The following ZBTB49 variants were observed in gnomAD, a reference collection of about 807,000 sequenced individuals.
ZBTB49 encodes the protein zinc finger and BTB domain containing 49, also known as zinc finger and BTB domain-containing protein 49.
ZBTB49 carries 43 observed loss-of-function variants against 57.5 expected under a neutral mutation model. The ratio of observed to expected loss-of-function variants is 0.75; its 90% confidence interval spans 0.59 to 0.97. The LOEUF (loss-of-function observed/expected upper bound fraction) is 0.97, where lower values mean the gene tolerates loss of function less well. Ranked by LOEUF, ZBTB49 falls within the 50% of genes least tolerant of loss-of-function variation. The pLI, the probability that ZBTB49 is intolerant of heterozygous loss-of-function variation, is 0.00. For missense variants in ZBTB49, 938 were observed against 947.7 expected (o/e 0.99, Z 0.13); for synonymous variants, 369 against 362.1 (o/e 1.02, Z -0.22).
intron 1 of ZBTB49, among the ~76,000 whole-genome samples, chr4:4,299,579 A>C (rs1384614510): frequency 6.6e-6 from 1 of 152,194 alleles, no homozygotes; most frequent in African/African-American, 2.4e-5. Context: ...TAACATGGTC[A>C]TATTCTAGAT....
intron 1 of ZBTB49, 111 bp from the exon 2 acceptor site, chr4:4,299,796 TGTGTGTGTGTGTGTGAGAGA>T (rs1273366218): frequency 2.8e-6 from 2 of 714,482 alleles, no homozygotes; most frequent in East Asian, 2.8e-5. Context: ...TGTGTGTGTG[TGTGTGTGTGTGTGTGAGAGA>T]GAAACTGTGA....
intron 1 of ZBTB49, among the ~76,000 whole-genome samples, chr4:4,290,700 C>T (rs1254381574): frequency 4.6e-5 from 7 of 152,246 alleles, no homozygotes; most frequent in African/African-American, 1.4e-4. Context: ...GGCCCGCCTC[C>T]GCTACGCGCT....
chr4:4,297,308 G>C (rs1720253513), intron 1 of ZBTB49, among the ~76,000 whole-genome samples: 1 of 152,140 alleles, frequency 6.6e-6, no homozygotes, highest in African/African-American at 2.4e-5. Context: ...GACCTCAGGT[G>C]ATCCCCCCAC....
intron 6 of ZBTB49, 21 bp from the exon 7 acceptor site, chr4:4,315,786 AAC>A: frequency 3.1e-6 from 5 of 1,614,010 alleles, no homozygotes; most frequent in Non-Finnish European, 4.2e-6. Context: ...CCTTCAGCTT[AAC>A]ACCTGTTATG....
chr4:4,320,558 T>G, intron 7 of ZBTB49, 82 bp from the exon 8 acceptor site: 2 of 1,545,420 alleles, frequency 1.3e-6, no homozygotes, highest in South Asian at 1.2e-5. Context: ...AAGGATTGTT[T>G]GAGGCTAGGA....
chr4:4,295,138 C>T (rs540225864), intron 1 of ZBTB49, among the ~76,000 whole-genome samples: 8 of 152,218 alleles, frequency 5.3e-5, no homozygotes, highest in South Asian at 2.1e-4. Context: ...CATTATCACA[C>T]TGCTATAAAG....
intron 3 of ZBTB49, among the ~76,000 whole-genome samples, chr4:4,304,451 C>G (rs1720653368): frequency 6.6e-6 from 1 of 152,100 alleles, no homozygotes; most frequent in Non-Finnish European, 1.5e-5. Context: ...CTCCTAACCT[C>G]AAGTGATCTG....
intron 1 of ZBTB49, among the ~76,000 whole-genome samples, chr4:4,292,009 A>G (rs1719961531): frequency 6.6e-6 from 1 of 152,034 alleles, no homozygotes; most frequent in African/African-American, 2.4e-5. Flanking sequence ...GTGGTGGCGC[A>G]TGCCTGTAAT....
Position 4,293,235 on chromosome 4 carries a change from A to C in ZBTB49, c.-20+2883A>C, listed in dbSNP as rs1322077418. Among the ~76,000 whole-genome samples, 3 of 152,208 alleles carry C rather than the reference A, an allele frequency of 2.0e-5. No homozygotes were observed. In the East Asian group the frequency reaches 5.8e-4, roughly 29 times the overall value. ...CATGTCTTCACCACAGAAAATTTTT[A>C]CTGCTTGTCACTAGGTGAGTTAGTC... On this transcript the variant is annotated intron_variant, in intron 1 of 7. Coordinates refer to ENST00000337872, the MANE Select transcript of ZBTB49 (RefSeq NM_145291.4).
intron 1 of ZBTB49, among the ~76,000 whole-genome samples, chr4:4,298,016 G>A (rs559900206): frequency 1.2e-4 from 18 of 152,294 alleles, no homozygotes; most frequent in Non-Finnish European, 2.2e-4. Flanking sequence ...CCAGGAATCT[G>A]CATTTTTAAC....
chr4:4,306,307 C>T (rs910116392), intron 4 of ZBTB49, 123 bp downstream of exon 4: 4 of 790,770 alleles, frequency 5.1e-6, no homozygotes, highest in Non-Finnish European at 8.3e-6. Context: ...AACTTAAAGA[C>T]TTCAGAATAA....
At position 4,321,047 on chromosome 4, in the gene ZBTB49, C is replaced by G; in HGVS notation, c.2029C>G (p.Leu677Val). The change falls in exon 8 of 8, where the codon CTT becomes GTT. Residue 677 changes from leucine to valine, a missense_variant. Physicochemically the swap from Leu to Val is conservative, Grantham distance 32. This residue lies in a region of ZBTB49 where 835 missense variants were observed against 819.1 expected (regional missense o/e 1.02). Coordinates refer to ENST00000337872, the MANE Select transcript of ZBTB49 (RefSeq NM_145291.4). ...GAAGCTGAGTTTGGATCCTGGTAAA[C>G]TTGCCAAGCCCCAGATGCAGCAGAC... ...QEKLSLDPGK[L>V]AKPQMQQTQP... 6.2e-7 allele frequency: 1 copy of G among 1,614,208 alleles called. No individual in the cohort carries two copies. Among genetic ancestry groups the G allele is most frequent in the Non-Finnish European group, 8.5e-7 (1 of 1,180,030 alleles).
At chr4:4,299,507 T>TA (rs1720376862) in intron 1 of ZBTB49, among the ~76,000 whole-genome samples, 1 of 152,212 alleles carries the variant, frequency 6.6e-6, no homozygotes, top group African/African-American at 2.4e-5. Context: ...TATGTATGTG[T>TA]ATATTATTTT....
At position 4,299,932 on chromosome 4, in the gene ZBTB49, C is replaced by G; in HGVS notation, c.-14C>G. ...TCTGTGATTTTTTGCTGTAGGTCAC[C>G]TGAATGGTTGAGCATGGACCCTGTT... On this transcript the variant is annotated 5_prime_UTR_variant, in exon 2 of 8. Coordinates refer to ENST00000337872, the MANE Select transcript of ZBTB49 (RefSeq NM_145291.4). The G allele has an allele frequency of 6.2e-7, 1 of 1,613,040 alleles. No homozygotes were observed. Among genetic ancestry groups the G allele is most frequent in the East Asian group, 2.2e-5 (1 of 44,864 alleles).
intron 4 of ZBTB49, among the ~76,000 whole-genome samples, chr4:4,312,224 A>G (rs1347927633): frequency 6.6e-6 from 1 of 152,134 alleles, no homozygotes; most frequent in Non-Finnish European, 1.5e-5. Flanking sequence ...TGAGGAAAAT[A>G]AAGGTTGAGA....
chr4:4,316,177 G>T (rs1237618987), intron 7 of ZBTB49, among the ~76,000 whole-genome samples: 3 of 152,232 alleles, frequency 2.0e-5, no homozygotes, highest in East Asian at 1.9e-4. Context: ...TGTCCTAAAC[G>T]CTCCGAATAC....
chr4:4,292,736 G>A (rs1577226799), intron 1 of ZBTB49, among the ~76,000 whole-genome samples: 1 of 152,152 alleles, frequency 6.6e-6, no homozygotes, highest in Non-Finnish European at 1.5e-5. Flanking sequence ...TGACTTTAAG[G>A]TGCGTGAACT....
rs377326067 is a variant in ZBTB49, at chr4:4,303,770, G to GTGTGTGTGTC, written c.1255+680_1255+681insGTGTGTGTCT. On this transcript the variant is annotated intron_variant, in intron 3 of 7. Coordinates refer to ENST00000337872, the MANE Select transcript of ZBTB49 (RefSeq NM_145291.4). Reference sequence around the variant, plus strand: ...TCTCTCTCTCTCTCTCTGTGTGTGTGTCTCTCTCTCTCTCTATATATATAT... The same window carrying GTGTGTGTGTC: ...TCTCTCTCTCTCTCTCTGTGTGTGTGTGTGTGTGTCTCTCTCTCTCTCTCTATATATATAT... 8.2e-3 allele frequency among the ~76,000 whole-genome samples: 207 copies of GTGTGTGTGTC among 25,308 alleles called. 6 individuals carry two copies. Among genetic ancestry groups the GTGTGTGTGTC allele is most frequent in the African/African-American group, 0.019 (188 of 9,884 alleles). 16.6% of individuals were successfully genotyped at this position (25,308 alleles called of 152,430 possible).
intron 3 of ZBTB49, among the ~76,000 whole-genome samples, chr4:4,305,458 A>G (rs1720694092): frequency 6.6e-6 from 1 of 152,222 alleles, no homozygotes; most frequent in Non-Finnish European, 1.5e-5. Context: ...TTTTAAATTC[A>G]GATCATGTTC....
Sources: gnomAD v4.1 joint callset for allele counts (sites outside exome capture counted in the v4.1 genomes callset) on GRCh38, gnomAD v4.1.1 for gene constraint, gnomAD v4.1.1 regional missense constraint, MANE v1.5 for transcripts, NCBI Gene and HGNC (gene_info 2026-07-23, HGNC 2026-07-21) for gene names.